PPP6R3: variants seen among roughly 807,000 people sequenced by gnomAD.
PPP6R3 encodes serine/threonine-protein phosphatase 6 regulatory subunit 3.
In PPP6R3, 38 loss-of-function variants were observed where a neutral mutation model predicts 110.7. The ratio of observed to expected loss-of-function variants is 0.34; its 90% CI spans 0.26 to 0.45. The LOEUF (loss-of-function observed/expected upper bound fraction) is 0.45, where lower values mean the gene tolerates loss of function less well. Among genes scored for constraint, PPP6R3 ranks in the 20% least tolerant of loss-of-function variants. PPP6R3 has a pLI of 1.00. For missense variants in PPP6R3, 870 were observed against 1,062.4 expected, an observed-to-expected ratio of 0.82 and a Z score of 2.52; for synonymous variants, 369 against 373.5, an observed-to-expected ratio of 0.99 and a Z score of 0.14.
chr11:68,564,141 G>C (rs1310515437), intron 8 of PPP6R3, among the ~76,000 whole-genome samples, 162 bp from the exon 9 acceptor site: 1 of 152,144 alleles, frequency 6.6e-6, no homozygotes, highest in Non-Finnish European at 1.5e-5. Context: ...GCCTCATGGA[G>C]GTTTCATTAA....
chr11:68,497,961 A>G (rs1019350090), intron 1 of PPP6R3, among the ~76,000 whole-genome samples: 11 of 152,114 alleles, frequency 7.2e-5, no homozygotes, highest in African/African-American at 2.4e-5. Flanking sequence ...ATTGTTGGAT[A>G]TTTAGGAACC....
At chr11:68,539,657 G>C (rs2099299136) in intron 3 of PPP6R3, among the ~76,000 whole-genome samples, 1 of 152,164 alleles carries the variant, frequency 6.6e-6, no homozygotes. Flanking sequence ...AGTGCTTTAG[G>C]GTTATGGTTG....
chr11:68,593,874 C>G (rs1359160769), intron 18 of PPP6R3, among the ~76,000 whole-genome samples: 1 of 152,054 alleles, frequency 6.6e-6, no homozygotes, highest in African/African-American at 2.4e-5. Flanking sequence ...CAAAAATTAG[C>G]TGGGCATGGT....
intron 18 of PPP6R3, among the ~76,000 whole-genome samples, chr11:68,594,955 C>T (rs1191787259): frequency 4.6e-5 from 7 of 152,086 alleles, no homozygotes; most frequent in Non-Finnish European, 1.0e-4. Context: ...AGGCGAAAGG[C>T]AATTCAGTGA....
rs588578 is a variant in PPP6R3 at position 68,516,958 on chromosome 11, C to G, written c.-157-2543C>G. Among the ~76,000 whole-genome samples the G allele has an allele frequency of 1.5e-3, 224 of 152,012 alleles. 1 individual carries two copies. Among genetic ancestry groups the G allele is most frequent in the African/African-American group, 5.1e-3 (211 of 41,450 alleles). The stretch of plus-strand genomic sequence containing the variant: ...TTTTCTGTTCTTGAGAAATCTGAAA[C>G]TATTCAGATTTTTGGTTATGGAAGA... On this transcript the variant is annotated intron_variant, in intron 1 of 23. Transcript: ENST00000393800.
chr11:68,610,549 C>T (rs367901713), intron 23 of PPP6R3, among the ~76,000 whole-genome samples: 1 of 152,188 alleles, frequency 6.6e-6, no homozygotes, highest in African/African-American at 2.4e-5. Context: ...AATGCCCACT[C>T]CCAGAGCTGT....
At chr11:68,541,323 A>T (rs2099314085) in intron 3 of PPP6R3, among the ~76,000 whole-genome samples, 1 of 152,138 alleles carries the variant, frequency 6.6e-6, no homozygotes, top group South Asian at 2.1e-4. Context: ...ACAGAAGTGG[A>T]AGTACAGTTG....
chr11:68,598,278 G>A (rs183809269), intron 19 of PPP6R3, among the ~76,000 whole-genome samples: 1 of 152,286 alleles, frequency 6.6e-6, no homozygotes, highest in African/African-American at 2.4e-5. Context: ...TTCGAAGGCC[G>A]AATGACATTC....
chr11:68,592,504 G>C (rs2099598650), intron 18 of PPP6R3, among the ~76,000 whole-genome samples: 1 of 152,196 alleles, frequency 6.6e-6, no homozygotes, highest in Non-Finnish European at 1.5e-5. Context: ...CTCGCTGCCA[G>C]TTATGTTGCC....
At chr11:68,548,862 C>T (rs2153689986) in intron 5 of PPP6R3, among the ~76,000 whole-genome samples, 1 of 152,086 alleles carries the variant, frequency 6.6e-6, no homozygotes, top group South Asian at 2.1e-4. Context: ...CCCATCTCTG[C>T]CTTCTCTTCT....
chr11:68,598,933 AAGCATGG>A (rs1317034376), intron 19 of PPP6R3, among the ~76,000 whole-genome samples: 13 of 152,182 alleles, frequency 8.5e-5, no homozygotes, highest in Non-Finnish European at 1.6e-4. Flanking sequence ...GGTGGGCAAG[AAGCATGG>A]AGCGCACCCT....
intron 1 of PPP6R3, among the ~76,000 whole-genome samples, chr11:68,467,036 C>T (rs189721794): frequency 2.2e-4 from 33 of 152,338 alleles, no homozygotes; most frequent in African/African-American, 4.3e-4. Context: ...CCGCTGCACC[C>T]GGCCCTAGCT....
intron 7 of PPP6R3, among the ~76,000 whole-genome samples, chr11:68,555,671 C>T (rs536837892): frequency 1.3e-5 from 2 of 152,320 alleles, no homozygotes; most frequent in East Asian, 1.9e-4. Flanking sequence ...AGCCCATGTG[C>T]GCACTAGCTT....
chr11:68,467,028 G>C (rs138851212), intron 1 of PPP6R3, among the ~76,000 whole-genome samples: 1 of 152,150 alleles, frequency 6.6e-6, no homozygotes, highest in Non-Finnish European at 1.5e-5. Context: ...GGCGTGAGCC[G>C]CTGCACCCGG....
intron 1 of PPP6R3, among the ~76,000 whole-genome samples, chr11:68,491,121 A>G (rs1272661725): frequency 1.3e-5 from 2 of 152,010 alleles, no homozygotes; most frequent in Non-Finnish European, 2.9e-5. Context: ...TAGGAAGTTG[A>G]GGCTGCAGTG....
chr11:68,597,414 G>C (rs1011252116), intron 19 of PPP6R3, among the ~76,000 whole-genome samples: 1 of 152,222 alleles, frequency 6.6e-6, no homozygotes, highest in African/African-American at 2.4e-5. Context: ...GTATTCTGAA[G>C]GTTGTAGGGA....
chr11:68,549,741 T>C (rs1308665535), intron 5 of PPP6R3, among the ~76,000 whole-genome samples: 1 of 152,232 alleles, frequency 6.6e-6, no homozygotes, highest in Non-Finnish European at 1.5e-5. Context: ...GGTTCAAGTT[T>C]AGGACCTGTC....
In PPP6R3 at chr11:68,600,393, T is replaced by A; in HGVS notation, c.2091T>A (p.Ala697=). The change falls in exon 20 of 24, where the codon GCT becomes GCA. Residue 697 remains alanine, a synonymous_variant. Coordinates refer to ENST00000393800, the MANE Select transcript of PPP6R3 (RefSeq NM_001164161.2). ...TCCCAATGGAAACAACCCACGGTGC[T>A]CCATTGGATTCTGTGGGATCTGATG... ...FDVPMETTHG[A]PLDSVGSDVW... 6.2e-7 allele frequency: 1 copy of A among 1,614,108 alleles called. No individual in the cohort carries two copies. Among genetic ancestry groups the A allele is most frequent in the Non-Finnish European group, 8.5e-7 (1 of 1,179,978 alleles).
At chr11:68,532,945 ATTTCTCAGTCTG>A (rs2099249157) in intron 2 of PPP6R3, among the ~76,000 whole-genome samples, 4 of 152,194 alleles carry the variant, frequency 2.6e-5, no homozygotes, top group Admixed American at 2.6e-4. Flanking sequence ...CTGACGAAGG[ATTTCTCAGTCTG>A]TATCCCTGTC....
Sources: allele counts gnomAD v4.1 joint callset (sites outside exome capture counted in the v4.1 genomes callset), GRCh38; gene constraint gnomAD v4.1.1; transcripts MANE v1.5; gene names NCBI Gene and HGNC (gene_info 2026-07-23, HGNC 2026-07-21).